RNPC3: variants seen among roughly 807,000 people sequenced by gnomAD.
The protein encoded by RNPC3 is RNA binding region (RNP1, RRM) containing 3.
In RNPC3, 48 loss-of-function variants were observed where a neutral mutation model predicts 67.5. The observed-to-expected ratio is 0.71, with a 90% CI of 0.56 to 0.90. RNPC3 has a LOEUF of 0.90. Among genes scored for constraint, RNPC3 ranks in the 40% least tolerant of loss-of-function variants. RNPC3 has a pLI of 0.00. For synonymous variants in RNPC3, 239 were observed against 210.3 expected, an observed-to-expected ratio of 1.14 and a Z score of -1.18; for missense variants, 637 against 626.1, an observed-to-expected ratio of 1.02 and a Z score of -0.19.
intron 8 of RNPC3, among the ~76,000 whole-genome samples, chr1:103,541,818 C>G (rs772826464): frequency 2.6e-5 from 4 of 151,964 alleles, no homozygotes; most frequent in Non-Finnish European, 4.4e-5. Context: ...AGTGACATTA[C>G]TGTCACTAGT....
chr1:103,528,084 T>C (rs1343467303), intron 2 of RNPC3, among the ~76,000 whole-genome samples: 1 of 152,234 alleles, frequency 6.6e-6, no homozygotes, highest in Admixed American at 6.5e-5. Context: ...GAGGTGATCT[T>C]TTAGCTAGAA....
intron 1 of RNPC3, 88 bp from the exon 2 acceptor site, chr1:103,527,607 T>C (rs1189170953): frequency 1.1e-6 from 1 of 917,540 alleles, no homozygotes; most frequent in African/African-American, 1.7e-5. Context: ...TATTAACATG[T>C]CACATTACTC....
chr1:103,546,937 C>T (rs1292323185), intron 11 of RNPC3, 40 bp from the exon 12 acceptor site: 2 of 1,066,314 alleles, frequency 1.9e-6, no homozygotes, highest in East Asian at 2.7e-5. Flanking sequence ...GTTTTTTTCC[C>T]CTGGCTTTGT....
intron 2 of RNPC3, among the ~76,000 whole-genome samples, chr1:103,529,892 C>T (rs139248867): frequency 2.5e-3 from 375 of 152,286 alleles, no homozygotes; most frequent in African/African-American, 8.2e-3. Flanking sequence ...CTATTCAGGG[C>T]GACTCCGCCT....
chr1:103,547,036 G>A lies in RNPC3; in HGVS notation c.1361+1G>A, dbSNP rs1651262353. 1 of 1,463,838 alleles carries A rather than the reference G, an allele frequency of 6.8e-7. No individual in the cohort carries two copies. Among genetic ancestry groups the A allele is most frequent in the South Asian group, 1.3e-5 (1 of 77,414 alleles). 90.7% of individuals were successfully genotyped at this position (1,463,838 alleles called of 1,614,324 possible). A position where few individuals can be genotyped will look rare whatever the true frequency, so the allele number is the denominator to read the frequency against. ...TTTCATCAGAAACACAGCGGATCAT[G>A]TAAGTGACAGTAAAATACAATCTTC... On this transcript the variant is annotated splice_donor_variant, in intron 12 of 14. Transcript: ENST00000423855. LOFTEE classifies it high-confidence loss of function.
At position 103,535,358 on chromosome 1, in the gene RNPC3, A is replaced by C. The variant is rs1266431196; in HGVS notation, c.472A>C (p.Lys158Gln). 26 of 1,535,132 alleles carry C rather than the reference A, an allele frequency of 1.7e-5. No homozygotes were observed. The highest frequency in any genetic ancestry group is 2.3e-5 in the Non-Finnish European group (26 of 1,145,562). The change falls in exon 5 of 15, where the codon AAG becomes CAG. Residue 158 changes from lysine to glutamine, a missense_variant. Lys to Gln is a moderately conservative substitution (Grantham distance 53, BLOSUM62 1). Coordinates refer to ENST00000423855, the MANE Select transcript of RNPC3 (RefSeq NM_017619.4). ...GLTFPLNSCL[K>Q]YMYPPPSSTI... is the part of the protein sequence containing the mutation. ...GACTTTTCCTTTAAATTCATGCCTC[A>C]AGTATATGTACCCACCACCTTCCAG... is the stretch of plus-strand genomic sequence containing the variant.
At chr1:103,553,308 C>A (rs1651444878) in intron 14 of RNPC3, 1 of 152,178 alleles carries the variant, frequency 6.6e-6, no homozygotes, top group Non-Finnish European at 1.5e-5. Context: ...GTAATACTGT[C>A]ATGCAAAGTG....
At chr1:103,532,746 G>A (rs1413899455) in intron 2 of RNPC3, among the ~76,000 whole-genome samples, 1 of 152,088 alleles carries the variant, frequency 6.6e-6, no homozygotes, top group Admixed American at 6.5e-5. Context: ...CCAGGAAGGA[G>A]TGATTAACTA....
intron 13 of RNPC3, chr1:103,551,382 C>T (rs1651383236): frequency 5.7e-6 from 2 of 353,494 alleles, no homozygotes; most frequent in East Asian, 1.0e-4. Flanking sequence ...CATAAAAGAA[C>T]TAATTCATTT....
At chr1:103,546,601 ACAGAGATG>A (rs1651250348) in intron 11 of RNPC3, 3 of 327,710 alleles carry the variant, frequency 9.2e-6, no homozygotes, top group Non-Finnish European at 5.5e-6. Context: ...GGCTGAAACA[ACAGAGATG>A]TGTTGTCTCA....
intron 8 of RNPC3, among the ~76,000 whole-genome samples, chr1:103,542,262 T>G (rs2101048897): frequency 6.6e-6 from 1 of 152,102 alleles, no homozygotes; most frequent in East Asian, 1.9e-4. Flanking sequence ...AGGAGATATT[T>G]GAGCTGGCCC....
chr1:103,526,110 T>G lies in RNPC3; in HGVS notation c.40T>G (p.Cys14Gly). ...GCAGCCGCTTGCGATATCAAGGGGA[T>G]GCACGAGCTCCTCCTCGCTTTCCCC... The part of the protein sequence containing the change: ...PEQPLAISRG[C>G]TSSSSLSPPR... The change falls in exon 1 of 15, where the codon TGC (cysteine) becomes GGC (glycine). Residue 14 changes from cysteine (C) to glycine (G), a missense_variant. Physicochemically the swap from Cys to Gly is radical, Grantham distance 159. Coordinates refer to ENST00000423855, the MANE Select transcript of RNPC3 (RefSeq NM_017619.4). The G allele has an allele frequency of 6.4e-7, 1 of 1,550,724 alleles. No individual in the cohort carries two copies. The highest frequency in any genetic ancestry group is 8.7e-7 in the Non-Finnish European group (1 of 1,146,396).
At chr1:103,534,384 G>C (rs1437461297) in intron 3 of RNPC3, among the ~76,000 whole-genome samples, 1 of 151,980 alleles carries the variant, frequency 6.6e-6, no homozygotes, top group African/African-American at 2.4e-5. Context: ...AAATGTTGTA[G>C]AAGTCTATGA....
chr1:103,536,966 A>G (rs954828855), intron 6 of RNPC3, among the ~76,000 whole-genome samples: 4 of 152,202 alleles, frequency 2.6e-5, no homozygotes, highest in African/African-American at 9.6e-5. Context: ...TGAGCCACGA[A>G]AAACACCTGA....
At chr1:103,530,246 A>G (rs1481437329) in intron 2 of RNPC3, among the ~76,000 whole-genome samples, 1 of 152,166 alleles carries the variant, frequency 6.6e-6, no homozygotes, top group Non-Finnish European at 1.5e-5. Context: ...CAGACAATAA[A>G]TAATAAACTT....
chr1:103,527,833 C>G (rs367675730), intron 2 of RNPC3, 91 bp downstream of exon 2: 24 of 922,218 alleles, frequency 2.6e-5, no homozygotes, highest in East Asian at 1.1e-4. Flanking sequence ...TTTTAAGAAG[C>G]AAAAGCGTTT....
At chr1:103,536,344 G>C (rs1286804514) in intron 6 of RNPC3, 150 bp downstream of exon 6, 1 of 571,120 alleles carries the variant, frequency 1.8e-6, no homozygotes, top group African/African-American at 1.9e-5. Flanking sequence ...GTAGAACTGA[G>C]AACTGTTAAG....
At chr1:103,530,449 G>T (rs896312615) in intron 2 of RNPC3, among the ~76,000 whole-genome samples, 1 of 152,132 alleles carries the variant, frequency 6.6e-6, no homozygotes, top group African/African-American at 2.4e-5. Context: ...TGGAACAGGG[G>T]CTCTAGGATG....
chr1:103,533,905 G>A (rs888621011), intron 3 of RNPC3, 48 bp downstream of exon 3: 2 of 1,011,144 alleles, frequency 2.0e-6, no homozygotes, highest in African/African-American at 1.6e-5. Flanking sequence ...TTTAAAGTGT[G>A]TGTTTTTTTA....
Sources: gnomAD v4.1 joint callset for allele counts (sites outside exome capture counted in the v4.1 genomes callset) on GRCh38, gnomAD v4.1.1 for gene constraint, MANE v1.5 for transcripts, NCBI Gene and HGNC (gene_info 2026-07-23, HGNC 2026-07-21) for gene names.